UBA5: variants seen among roughly 807,000 people sequenced by gnomAD.
UBA5 encodes ubiquitin-like modifier-activating enzyme 5.
Under a neutral mutation model 52.9 loss-of-function variants are expected in UBA5, and 28 were observed. The observed-to-expected ratio is 0.53, with a 90% CI of 0.39 to 0.73. UBA5 has a LOEUF of 0.73. UBA5 is among the 30% of genes least tolerant of loss of function. The pLI is 0.00. For synonymous variants in UBA5, 135 were observed against 162.1 expected (o/e 0.83, Z 1.27); for missense variants, 388 against 492.7 (o/e 0.79, Z 2.01).
chr3:132,667,042 T>G (rs576753609), intron 3 of UBA5, among the ~76,000 whole-genome samples: 1 of 152,244 alleles, frequency 6.6e-6, no homozygotes, highest in African/African-American at 2.4e-5. Flanking sequence ...ACTTCATAAT[T>G]GACATTGCTA....
At position 132,671,067 on chromosome 3, in the gene UBA5, G is replaced by A; in HGVS notation, c.579+18G>A. On this transcript the variant is annotated intron_variant, in intron 6 of 11. Coordinates refer to ENST00000356232, the MANE Select transcript of UBA5 (RefSeq NM_024818.6). ...TAAATACAGTGAGTATTCCTGCTGT[G>A]CAAGATATATTCATGGATTTATCTG... 1 of 1,591,466 alleles carries A rather than the reference G, an allele frequency of 6.3e-7. No homozygotes were observed. The highest frequency in any genetic ancestry group is 2.2e-5 in the East Asian group (1 of 44,532).
At chr3:132,672,466 C>G (rs1938646044) in intron 8 of UBA5, among the ~76,000 whole-genome samples, 1 of 151,986 alleles carries the variant, frequency 6.6e-6, no homozygotes, top group Admixed American at 6.6e-5. Flanking sequence ...TTTGGAATAG[C>G]TTTTATTAAA....
intron 1 of UBA5, among the ~76,000 whole-genome samples, chr3:132,663,887 A>G (rs952219730): frequency 2.0e-5 from 3 of 152,220 alleles, no homozygotes; most frequent in African/African-American, 4.8e-5. Context: ...GGTGCAAAGT[A>G]TTTAGATGAT....
rs2107954430 is a variant in UBA5 at position 132,677,462 on chromosome 3, A to T, written c.*936A>T. ...CTAAACTGCCTCTGCAATGACTTGT[A>T]GTCAGTGGAAGAGTATCACTTTCCC... On this transcript the variant is annotated 3_prime_UTR_variant, in exon 12 of 12. Coordinates refer to ENST00000356232, the MANE Select transcript of UBA5 (RefSeq NM_024818.6). The T allele has an allele frequency of 6.6e-6, 1 of 152,436 alleles. No homozygotes were observed. Among genetic ancestry groups the T allele is most frequent in the African/African-American group, 2.4e-5 (1 of 41,584 alleles). The allele number at this position is 152,436 out of a possible 1,614,324, so 9.4% of individuals were successfully genotyped here.
In UBA5 at chr3:132,675,394, A is replaced by G. The variant is rs1459300166; in HGVS notation, c.948+11A>G. The stretch of plus-strand genomic sequence containing the variant: ...CAGGAGGAATATAAGGTATATGACA[A>G]TCTGTTAGAATGCATGAGGGATCAT... On this transcript the variant is annotated intron_variant, in intron 9 of 11. Transcript: ENST00000356232. 1.9e-6 allele frequency: 3 copies of G among 1,612,164 alleles called. No homozygotes were observed. The highest frequency in any genetic ancestry group is 2.5e-6 in the Non-Finnish European group (3 of 1,179,112).
intron 1 of UBA5, among the ~76,000 whole-genome samples, chr3:132,655,099 G>A (rs1449053761): frequency 6.6e-6 from 1 of 152,158 alleles, no homozygotes; most frequent in Non-Finnish European, 1.5e-5. Context: ...GACCACTGCC[G>A]TATATGCAGC....
chr3:132,661,715 C>T (rs890910608), intron 1 of UBA5, among the ~76,000 whole-genome samples: 3 of 152,154 alleles, frequency 2.0e-5, no homozygotes, highest in African/African-American at 7.2e-5. Flanking sequence ...ACCGTCTCCC[C>T]AGTAAAAACA....
upstream of UBA5, among the ~76,000 whole-genome samples, chr3:132,659,151 C>T (rs538827766): frequency 6.6e-6 from 1 of 152,302 alleles, no homozygotes; most frequent in Non-Finnish European, 1.5e-5. Context: ...CTGTGACCTC[C>T]TAAGTGGAAA....
At chr3:132,661,034 A>C in intron 1 of UBA5, 1 of 1,368,282 alleles carries the variant, frequency 7.3e-7, no homozygotes, top group Non-Finnish European at 9.6e-7. Context: ...GAGATCAAAT[A>C]TTAAACCTGC....
Position 132,678,180 on chromosome 3 carries a change from T to C in UBA5, c.*1654T>C, listed in dbSNP as rs1410230742. ...CTGTGTCTTACACTGCACCAAATGT[T>C]ACCTAATTGACCTAACTTTTTTTGT... On this transcript the variant is annotated 3_prime_UTR_variant, in exon 12 of 12. Coordinates refer to ENST00000356232, the MANE Select transcript of UBA5 (RefSeq NM_024818.6). 6.6e-6 allele frequency: 1 copy of C among 152,150 alleles called. No homozygotes were observed. The highest frequency in any genetic ancestry group is 1.5e-5 in the Non-Finnish European group (1 of 68,012). 9.4% of individuals were successfully genotyped at this position (152,150 alleles called of 1,614,324 possible).
chr3:132,658,852 A>C (rs1165212767), upstream of UBA5, among the ~76,000 whole-genome samples: 1 of 152,206 alleles, frequency 6.6e-6, no homozygotes, highest in East Asian at 1.9e-4. Context: ...TTCATTAATA[A>C]GACTAATCAA....
chr3:132,671,256 T>C (rs1473312067), intron 6 of UBA5, among the ~76,000 whole-genome samples: 1 of 152,192 alleles, frequency 6.6e-6, no homozygotes, highest in East Asian at 1.9e-4. Flanking sequence ...TGACATGTGT[T>C]ACAGTATCCT....
upstream of UBA5, among the ~76,000 whole-genome samples, chr3:132,658,508 G>A (rs1162934513): frequency 5.9e-5 from 9 of 152,170 alleles, no homozygotes; most frequent in Admixed American, 3.9e-4. Context: ...AGCAGGACTA[G>A]ATGTTCAAAG....
At chr3:132,672,314 A>G in intron 8 of UBA5, 137 bp downstream of exon 8, 1 of 981,732 alleles carries the variant, frequency 1.0e-6, no homozygotes, top group East Asian at 2.7e-5. Flanking sequence ...GTAGTTTTAA[A>G]TGTTTTATAT....
Position 132,660,948 on chromosome 3 carries a change from A to C in UBA5, c.161+250A>C, listed in dbSNP as rs943212843. ...CTGTGCCTGCTGAGGACGTGTGTCC[A>C]GTTTCCTATCACCCTTGCCTCTTAA... On this transcript the variant is annotated intron_variant, in intron 1 of 11. Transcript: ENST00000356232. The surrounding 1 kb of genome is among the most constrained non-coding windows in gnomAD (Gnocchi z 4.1). 2.0e-6 allele frequency: 3 copies of C among 1,493,748 alleles called. No individual in the cohort carries two copies. In the African/African-American group the frequency reaches 4.2e-5, roughly 21 times the overall value. The allele number at this position is 1,493,748 out of a possible 1,614,324, so 92.5% of individuals were successfully genotyped here. A position where few individuals can be genotyped will look rare whatever the true frequency, so the allele number is the denominator to read the frequency against.
chr3:132,666,772 A>G (rs2107933381), intron 3 of UBA5, among the ~76,000 whole-genome samples: 1 of 152,302 alleles, frequency 6.6e-6, no homozygotes, highest in East Asian at 1.9e-4. Context: ...GCACTCACTT[A>G]TCAATATAGA....
chr3:132,657,921 G>A (rs1321713049), upstream of UBA5, among the ~76,000 whole-genome samples: 1 of 145,182 alleles, frequency 6.9e-6, no homozygotes, highest in Non-Finnish European at 1.5e-5. Flanking sequence ...GGAGCATGGT[G>A]GTGCAATCTT....
In UBA5 at chr3:132,671,764, C is replaced by G; in HGVS notation, c.580-13C>G. On this transcript the variant is annotated splice_polypyrimidine_tract_variant and intron_variant, in intron 6 of 11. Coordinates refer to ENST00000356232, the MANE Select transcript of UBA5 (RefSeq NM_024818.6). ...TATTTTTTTTCCTTATGTTTTCACC[C>G]ATTTCTACTAAGGCTTGTAATGAAC... The G allele has an allele frequency of 3.2e-6, 5 of 1,581,850 alleles. No homozygotes were observed. The highest frequency in any genetic ancestry group is 1.2e-5 in the South Asian group (1 of 85,114).
In UBA5 at chr3:132,671,640, A is replaced by G. The variant is rs1043320622; in HGVS notation, c.580-137A>G. Reference sequence around the variant, plus strand: ...ATGGTAATTACCAAGGAATTCCATTATCTTACAACTTGCCTCATTTGTTCT... The same window carrying G: ...ATGGTAATTACCAAGGAATTCCATTGTCTTACAACTTGCCTCATTTGTTCT... On this transcript the variant is annotated intron_variant, in intron 6 of 11. Coordinates refer to ENST00000356232, the MANE Select transcript of UBA5 (RefSeq NM_024818.6). 4 of 636,946 alleles carry G rather than the reference A, an allele frequency of 6.3e-6. No homozygotes were observed. In the African/African-American group the frequency reaches 7.4e-5, roughly 12 times the overall value. 39.5% of individuals were successfully genotyped at this position (636,946 alleles called of 1,614,324 possible). A position where few individuals can be genotyped will look rare whatever the true frequency, so the allele number is the denominator to read the frequency against.
Sources: gnomAD v4.1 joint callset for allele counts (sites outside exome capture counted in the v4.1 genomes callset) on GRCh38, gnomAD v4.1.1 for gene constraint, Gnocchi (gnomAD v3.1) non-coding constraint, MANE v1.5 for transcripts, NCBI Gene and HGNC (gene_info 2026-07-23, HGNC 2026-07-21) for gene names.